The following SLC9C2 variants were observed in gnomAD, a reference collection of about 807,000 sequenced individuals.
SLC9C2 encodes solute carrier family 9 member C2 (putative).
Under a neutral mutation model 140.2 loss-of-function variants are expected in SLC9C2, and 75 were observed. The observed-to-expected ratio is 0.53, with a 90% CI of 0.44 to 0.65. The LOEUF is 0.65. Ranked by LOEUF, SLC9C2 falls within the 30% of genes least tolerant of loss-of-function variation. The pLI, the probability that SLC9C2 is intolerant of heterozygous loss-of-function variation, is 0.00. For missense variants in SLC9C2, 1,074 were observed against 1,331.8 expected, an observed-to-expected ratio of 0.81 and a Z score of 3.01; for synonymous variants, 375 against 420.9, an observed-to-expected ratio of 0.89 and a Z score of 1.34.
At chr1:173,568,656 T>A (rs1175207736) in intron 9 of SLC9C2, among the ~76,000 whole-genome samples, 1 of 152,198 alleles carries the variant, frequency 6.6e-6, no homozygotes, top group South Asian at 2.1e-4. Context: ...AATAATGAGA[T>A]TGCTGGGCCA....
Position 173,500,951 on chromosome 1 carries a change from G to A in SLC9C2, c.*143C>T. On this transcript the variant is annotated 3_prime_UTR_variant, in exon 28 of 28. Transcript: ENST00000367714. ...CATTGCTTATAAACTAAATGCAGCA[G>A]TAACCTGTTTCAGTAGCTTCTAAGT... 2.1e-6 allele frequency: 2 copies of A among 932,180 alleles called. No individual in the cohort carries two copies. The highest frequency in any genetic ancestry group is 4.3e-5 in the Admixed American group (1 of 23,520). 57.7% of individuals were successfully genotyped at this position (932,180 alleles called of 1,614,324 possible). A position where few individuals can be genotyped will look rare whatever the true frequency, so the allele number is the denominator to read the frequency against.
chr1:173,550,436 A>ATTT lies in SLC9C2; in HGVS notation c.1298-1887_1298-1885dup, dbSNP rs1467477294. On this transcript the variant is annotated intron_variant, in intron 11 of 27. Coordinates refer to ENST00000367714, the MANE Select transcript of SLC9C2 (RefSeq NM_178527.4). ...ATTTTTTTATTTTATTTATTTATTT[A>ATTT]TTTATTTATTTATTTATTTTTGAGG... Among the ~76,000 whole-genome samples the ATTT allele has an allele frequency of 4.3e-3, 525 of 122,848 alleles. 4 individuals carry two copies. Among genetic ancestry groups the ATTT allele is most frequent in the African/African-American group, 0.019 (487 of 25,758 alleles). 80.6% of individuals were successfully genotyped at this position (122,848 alleles called of 152,430 possible).
chr1:173,508,833 T>C (rs1659834753), intron 24 of SLC9C2, among the ~76,000 whole-genome samples: 2 of 152,176 alleles, frequency 1.3e-5, no homozygotes, highest in Admixed American at 6.5e-5. Flanking sequence ...CACTACTCTT[T>C]GGAGGGGAAG....
chr1:173,547,793 T>C lies in SLC9C2; in HGVS notation c.1462-9A>G. 1.9e-6 allele frequency: 3 copies of C among 1,591,396 alleles called. No individual in the cohort carries two copies. The highest frequency in any genetic ancestry group is 2.2e-5 in the South Asian group (2 of 89,240). ...TGTGAAACGTGGGAAAACTGAACCG[T>C]ATCAGATGACATTTTAAAACATAAA... On this transcript the variant is annotated splice_polypyrimidine_tract_variant and intron_variant, in intron 12 of 27. Transcript: ENST00000367714.
chr1:173,536,857 AG>A, intron 14 of SLC9C2, 84 bp downstream of exon 14: 1 of 937,332 alleles, frequency 1.1e-6, no homozygotes, highest in Non-Finnish European at 1.7e-6. Context: ...TTGATCAATC[AG>A]GACATTTAAT....
At chr1:173,538,256 C>T (rs1224407713) in intron 13 of SLC9C2, among the ~76,000 whole-genome samples, 1 of 152,172 alleles carries the variant, frequency 6.6e-6, no homozygotes, top group Non-Finnish European at 1.5e-5. Flanking sequence ...TCCGTGATGG[C>T]CCTGGTAGGA....
intron 13 of SLC9C2, among the ~76,000 whole-genome samples, chr1:173,541,698 A>G (rs1662434584): frequency 6.6e-6 from 1 of 152,248 alleles, no homozygotes; most frequent in African/African-American, 2.4e-5. Flanking sequence ...ACTCAGGATT[A>G]AGAAAGTCAT....
At chr1:173,592,984 T>C (rs1666251993) in intron 4 of SLC9C2, among the ~76,000 whole-genome samples, 1 of 152,122 alleles carries the variant, frequency 6.6e-6, no homozygotes, top group African/African-American at 2.4e-5. Context: ...AAACTAAACT[T>C]CCTAAGCAAA....
chr1:173,542,290 C>A (rs914722042), intron 13 of SLC9C2, among the ~76,000 whole-genome samples: 2 of 151,138 alleles, frequency 1.3e-5, no homozygotes, highest in African/African-American at 4.8e-5. Context: ...ACACATACAC[C>A]CTCCCAAGAC....
intron 4 of SLC9C2, among the ~76,000 whole-genome samples, chr1:173,597,071 T>C (rs527372147): frequency 1.3e-5 from 2 of 151,888 alleles, no homozygotes; most frequent in Non-Finnish European, 2.9e-5. Flanking sequence ...TGAACAAATT[T>C]AGACCCCTAC....
At chr1:173,572,360 C>T (rs1442262501) in intron 9 of SLC9C2, among the ~76,000 whole-genome samples, 2 of 152,192 alleles carry the variant, frequency 1.3e-5, no homozygotes, top group African/African-American at 4.8e-5. Flanking sequence ...GGGCTGTGTA[C>T]ACAGCCTTCT....
chr1:173,569,411 A>G (rs563258574), intron 9 of SLC9C2, among the ~76,000 whole-genome samples: 1 of 151,916 alleles, frequency 6.6e-6, no homozygotes, highest in Non-Finnish European at 1.5e-5. Flanking sequence ...TTTGATTATT[A>G]AATGCCTTGA....
intron 9 of SLC9C2, among the ~76,000 whole-genome samples, chr1:173,563,218 G>T (rs113880040): frequency 2.0e-5 from 3 of 151,712 alleles, no homozygotes; most frequent in Non-Finnish European, 2.9e-5. Context: ...CAGCTGATGA[G>T]GGGGGCAGGG....
chr1:173,576,814 A>G (rs556910986), intron 7 of SLC9C2, 54 bp from the exon 8 acceptor site: 2 of 1,012,618 alleles, frequency 2.0e-6, no homozygotes, highest in Non-Finnish European at 3.0e-6. Context: ...ATATCTGCAC[A>G]CTGAGACACT....
At chr1:173,534,160 A>G (rs1661783272) in intron 16 of SLC9C2, among the ~76,000 whole-genome samples, 1 of 152,098 alleles carries the variant, frequency 6.6e-6, no homozygotes, top group African/African-American at 2.4e-5. Flanking sequence ...TAGCAAACCA[A>G]TTCTTATTCA....
chr1:173,581,091 A>C (rs902136663), intron 7 of SLC9C2, among the ~76,000 whole-genome samples: 5 of 152,316 alleles, frequency 3.3e-5, no homozygotes, highest in Admixed American at 6.5e-5. Flanking sequence ...TCTGCAGAAG[A>C]AGCAGCGCTT....
At chr1:173,598,896 A>C (rs1666597057) in intron 3 of SLC9C2, among the ~76,000 whole-genome samples, 1 of 152,176 alleles carries the variant, frequency 6.6e-6, no homozygotes, top group South Asian at 2.1e-4. Flanking sequence ...CATTATCTCC[A>C]TTTTTCAAAA....
intron 19 of SLC9C2, 118 bp downstream of exon 19, chr1:173,526,545 T>C (rs1373724384): frequency 5.4e-6 from 5 of 919,748 alleles, no homozygotes; most frequent in Non-Finnish European, 6.8e-6. Context: ...GTTTAATAAA[T>C]GCTTGTTGAA....
chr1:173,522,507 T>A (rs1174807542), intron 21 of SLC9C2, among the ~76,000 whole-genome samples: 1 of 152,242 alleles, frequency 6.6e-6, no homozygotes, highest in Non-Finnish European at 1.5e-5. Flanking sequence ...AGTGCCTGCA[T>A]CTACAATACT....
Sources: allele counts gnomAD v4.1 joint callset (sites outside exome capture counted in the v4.1 genomes callset), GRCh38; gene constraint gnomAD v4.1.1; transcripts MANE v1.5; gene names NCBI Gene and HGNC (gene_info 2026-07-23, HGNC 2026-07-21).